VEZT: variants seen among roughly 807,000 people sequenced by gnomAD.
VEZT encodes vezatin.
VEZT carries 39 observed loss-of-function variants against 79.9 expected under a neutral mutation model. The ratio of observed to expected loss-of-function variants is 0.49; its 90% CI spans 0.38 to 0.64. The LOEUF is 0.64. Ranked by LOEUF, VEZT falls within the 30% of genes least tolerant of loss-of-function variation. The probability of loss-of-function intolerance (pLI) is 0.00; values close to 1 mark genes in which losing one functional copy is unlikely to be tolerated. For synonymous variants in VEZT, 325 were observed against 327.6 expected, an observed-to-expected ratio of 0.99 and a Z score of 0.09; for missense variants, 837 against 893.1, an observed-to-expected ratio of 0.94 and a Z score of 0.80.
In VEZT at chr12:95,266,462, G is replaced by A. The variant is rs754934062; in HGVS notation, c.540G>A (p.Leu180=). ...LVWGVILFVY[L]VIRALRLWRT... Reference sequence around the variant, plus strand: ...GGGGAGTGATTCTATTTGTGTATCTGGTCATAAGAGCTTTGAGATTATGGA... The same window carrying A: ...GGGGAGTGATTCTATTTGTGTATCTAGTCATAAGAGCTTTGAGATTATGGA... The change falls in exon 5 of 12, where the codon CTG becomes CTA. Residue 180 remains leucine, a synonymous_variant. Coordinates refer to ENST00000436874, the MANE Select transcript of VEZT (RefSeq NM_017599.4). The A allele has an allele frequency of 1.2e-6, 2 of 1,613,780 alleles. No homozygotes were observed. The highest frequency in any genetic ancestry group is 1.7e-6 in the Non-Finnish European group (2 of 1,179,846).
intron 7 of VEZT, among the ~76,000 whole-genome samples, chr12:95,281,719 T>A (rs2069165316): frequency 6.6e-6 from 1 of 152,060 alleles, no homozygotes; most frequent in South Asian, 2.1e-4. Flanking sequence ...CTAAATTTTG[T>A]ATTTTTAGTA....
intron 1 of VEZT, among the ~76,000 whole-genome samples, chr12:95,237,328 A>T (rs2060329479): frequency 6.6e-6 from 1 of 152,162 alleles, no homozygotes; most frequent in African/African-American, 2.4e-5. Context: ...AAATACTTAG[A>T]TTAATTCCTG....
intron 9 of VEZT, among the ~76,000 whole-genome samples, chr12:95,291,755 A>C (rs1336714339): frequency 6.6e-6 from 1 of 152,204 alleles, no homozygotes; most frequent in African/African-American, 2.4e-5. Flanking sequence ...GCATGTAATT[A>C]AAAATCTGGT....
chr12:95,286,920 C>T, intron 8 of VEZT: 1 of 157,930 alleles, frequency 6.3e-6, no homozygotes, highest in Non-Finnish European at 1.3e-5. Context: ...TCCAGTCTTG[C>T]ATGTCACCAG....
At chr12:95,266,293 T>A in intron 4 of VEZT, 64 bp from the exon 5 acceptor site, 1 of 1,509,474 alleles carries the variant, frequency 6.6e-7, no homozygotes, top group Non-Finnish European at 8.9e-7. Flanking sequence ...TTTTACTGAT[T>A]AAAGTAATTC....
intron 9 of VEZT, among the ~76,000 whole-genome samples, chr12:95,289,288 GC>G (rs1313745187): frequency 6.7e-6 from 1 of 149,440 alleles, no homozygotes; most frequent in East Asian, 2.0e-4. Context: ...ATGGTGGCGG[GC>G]ACCTGTAGTC....
intron 6 of VEZT, among the ~76,000 whole-genome samples, chr12:95,274,484 CG>C (rs1233832393): frequency 6.6e-6 from 1 of 151,992 alleles, no homozygotes; most frequent in Non-Finnish European, 1.5e-5. Context: ...AAATAAATAA[CG>C]TATCACTTTA....
chr12:95,219,081 G>A lies in VEZT; in HGVS notation c.36+1195G>A, dbSNP rs143942363. Reference sequence around the variant, plus strand: ...TTCATTAGGGAAGACAAGGGCCTGAGATGAAATGAGAGACGTAATGGAATA... The same window carrying A: ...TTCATTAGGGAAGACAAGGGCCTGAAATGAAATGAGAGACGTAATGGAATA... On this transcript the variant is annotated intron_variant, in intron 1 of 11. Transcript: ENST00000436874. Among the ~76,000 whole-genome samples, 404 of 152,256 alleles carry A rather than the reference G, an allele frequency of 2.7e-3. 3 individuals carry two copies. Among genetic ancestry groups the A allele is most frequent in the Non-Finnish European group, 3.9e-3 (266 of 68,030 alleles).
intron 1 of VEZT, among the ~76,000 whole-genome samples, chr12:95,234,931 C>G (rs1346665574): frequency 6.6e-6 from 1 of 152,032 alleles, no homozygotes; most frequent in Admixed American, 6.5e-5. Flanking sequence ...CCATTCAACC[C>G]TGAGTGGACA....
intron 7 of VEZT, among the ~76,000 whole-genome samples, chr12:95,281,480 A>AAATT (rs779115400): frequency 2.0e-5 from 3 of 152,082 alleles, no homozygotes; most frequent in South Asian, 2.1e-4. Context: ...TCTATCACAA[A>AAATT]AATTAATTAA....
At chr12:95,243,920 C>A (rs896672103) in intron 1 of VEZT, 2 of 455,680 alleles carry the variant, frequency 4.4e-6, no homozygotes, top group Non-Finnish European at 8.8e-6. Context: ...CCGCTTTGAC[C>A]TTCTACCATA....
At chr12:95,271,445 A>G (rs969746642) in intron 6 of VEZT, among the ~76,000 whole-genome samples, 6 of 152,210 alleles carry the variant, frequency 3.9e-5, no homozygotes, top group African/African-American at 1.4e-4. Flanking sequence ...TAGCAGGGCA[A>G]CATACTTGGT....
At chr12:95,286,953 A>AG (rs1021692426) in intron 8 of VEZT, 3 of 28,744 alleles carry the variant, frequency 1.0e-4, no homozygotes, top group African/African-American at 5.6e-4. Context: ...CCAAGTGGGG[A>AG]GGGAGCCAGG....
intron 1 of VEZT, among the ~76,000 whole-genome samples, chr12:95,226,635 T>C (rs2058531066): frequency 6.6e-6 from 1 of 150,928 alleles, no homozygotes; most frequent in African/African-American, 2.4e-5. Context: ...AATTTTACTG[T>C]ACTATATTTT....
intron 2 of VEZT, among the ~76,000 whole-genome samples, chr12:95,254,618 A>C (rs78652962): frequency 0.11 from 17,181 of 152,172 alleles, 1,270 homozygotes; most frequent in East Asian, 0.16. Context: ...TGCTGAGATT[A>C]CAGGCATGAG....
intron 5 of VEZT, 129 bp from the exon 6 acceptor site, chr12:95,269,922 A>AT: frequency 9.3e-7 from 1 of 1,077,580 alleles, no homozygotes. Context: ...ATGTATAATC[A>AT]TTTTCTAGTG....
intron 7 of VEZT, chr12:95,275,667 G>T (rs936505164): frequency 6.6e-6 from 1 of 150,838 alleles, no homozygotes; most frequent in Non-Finnish European, 1.5e-5. Context: ...TTATAACAAA[G>T]AGTTTTAATT....
intron 2 of VEZT, among the ~76,000 whole-genome samples, chr12:95,254,646 T>C (rs78085246): frequency 0.067 from 10,196 of 152,250 alleles, 449 homozygotes; most frequent in Middle Eastern, 0.12. Flanking sequence ...GCCCGACCAA[T>C]TTTTTTCCTA....
At chr12:95,269,224 T>C (rs979376925) in intron 5 of VEZT, among the ~76,000 whole-genome samples, 1 of 152,204 alleles carries the variant, frequency 6.6e-6, no homozygotes, top group Non-Finnish European at 1.5e-5. Flanking sequence ...AGGTATTTAC[T>C]CATATATACT....
Sources: allele counts gnomAD v4.1 joint callset (sites outside exome capture counted in the v4.1 genomes callset), GRCh38; gene constraint gnomAD v4.1.1; transcripts MANE v1.5; gene names NCBI Gene and HGNC (gene_info 2026-07-23, HGNC 2026-07-21).